The following CTPS1 variants were observed in gnomAD, a reference collection of about 807,000 sequenced individuals.
The protein encoded by CTPS1 is CTP synthetase 1.
A neutral mutation model predicts 80.5 loss-of-function variants in CTPS1; 25 were observed. The observed-to-expected ratio is 0.31, with a 90% confidence interval of 0.23 to 0.43. The LOEUF is 0.43. Among genes scored for constraint, CTPS1 ranks in the 20% least tolerant of loss-of-function variants. The probability of loss-of-function intolerance (pLI) is 1.00; values close to 1 mark genes in which losing one functional copy is unlikely to be tolerated. For missense variants in CTPS1, 442 were observed against 725.7 expected (o/e 0.61, Z 4.49); for synonymous variants, 267 against 252.5 (o/e 1.06, Z -0.54).
intron 9 of CTPS1, 88 bp downstream of exon 9, chr1:40,997,614 T>C: frequency 6.9e-7 from 1 of 1,445,314 alleles, no homozygotes; most frequent in Admixed American, 2.5e-5. Context: ...TGCTTTCTGT[T>C]TGGAGCTCAG....
rs541913776 is a variant in CTPS1, at chr1:41,000,975, C to T, written c.1006-54C>T. The T allele has an allele frequency of 1.0e-4, 121 of 1,209,398 alleles. 1 individual carries two copies. The South Asian group carries it at 1.6e-3, about 16-fold the overall frequency. The allele number at this position is 1,209,398 out of a possible 1,614,324, so 74.9% of individuals were successfully genotyped here. A position where few individuals can be genotyped will look rare whatever the true frequency, so the allele number is the denominator to read the frequency against. On this transcript the variant is annotated intron_variant, in intron 9 of 18. Coordinates refer to ENST00000650070, the MANE Select transcript of CTPS1 (RefSeq NM_001905.4). ...GATAATATTATTTAAAAATTAAGAA[C>T]GCACAGCCTGGGGTCACGAGCCTGC...
chr1:40,996,990 T>A (rs1172742931), intron 8 of CTPS1: 1 of 153,362 alleles, frequency 6.5e-6, no homozygotes, highest in Non-Finnish European at 1.5e-5. Flanking sequence ...TCTTTGTAAG[T>A]TTCAAAACAA....
At chr1:41,003,654 A>G (rs889770412) in intron 12 of CTPS1, among the ~76,000 whole-genome samples, 11 of 152,226 alleles carry the variant, frequency 7.2e-5, no homozygotes, top group Admixed American at 6.5e-5. Context: ...ACTTCACATG[A>G]TTAAGGGAGA....
At chr1:41,003,359 G>T (rs752969485) in intron 12 of CTPS1, among the ~76,000 whole-genome samples, 183 bp downstream of exon 12, 3 of 152,164 alleles carry the variant, frequency 2.0e-5, no homozygotes, top group Non-Finnish European at 4.4e-5. Context: ...CTCCATGCAG[G>T]AAGGAGGGAG....
intron 5 of CTPS1, among the ~76,000 whole-genome samples, chr1:40,989,467 T>G (rs1165466648): frequency 6.6e-6 from 1 of 152,180 alleles, no homozygotes; most frequent in Non-Finnish European, 1.5e-5. Context: ...TAAGATTGTC[T>G]TCTGGGGTAT....
chr1:41,007,146 G>C lies in CTPS1; in HGVS notation c.1297-303G>C, dbSNP rs1306962206. Among the ~76,000 whole-genome samples, 11 of 152,190 alleles carry C rather than the reference G, an allele frequency of 7.2e-5. No homozygotes were observed. Among genetic ancestry groups the C allele is most frequent in the Non-Finnish European group, 4.4e-5 (3 of 68,034 alleles). On this transcript the variant is annotated intron_variant, in intron 13 of 18. Transcript: ENST00000650070. The surrounding 1 kb of genome is among the most constrained non-coding windows in gnomAD (Gnocchi z 4.4). The stretch of plus-strand genomic sequence containing the variant: ...ACATCCAGTCCGTGTCTGTGCTACT[G>C]TATCAGTCTTTCTAAGGAAGTGATG...
intron 7 of CTPS1, among the ~76,000 whole-genome samples, chr1:40,993,619 G>A (rs748557924): frequency 3.9e-5 from 6 of 152,152 alleles, no homozygotes; most frequent in Non-Finnish European, 7.3e-5. Context: ...GATTACAGGC[G>A]TGAGCCGGCA....
chr1:41,009,450 C>A lies in CTPS1; in HGVS notation c.1552C>A (p.Pro518Thr). The A allele has an allele frequency of 2.5e-6, 4 of 1,569,360 alleles. No homozygotes were observed. Among genetic ancestry groups the A allele is most frequent in the Non-Finnish European group, 2.6e-6 (3 of 1,161,446 alleles). Reference sequence around the variant, plus strand: ...CTTTTGAATCTCTATTTCAGATCATCCCTTTTTTGTTGGGGTTCAGTACCA... The same window carrying A: ...CTTTTGAATCTCTATTTCAGATCATACCTTTTTTGTTGGGGTTCAGTACCA... ...RMEIVELEDH[P>T]FFVGVQYHPE... Residue 518 changes from proline to threonine, a missense_variant, in exon 17 of 19, where the codon CCC (proline) becomes ACC (threonine). Transcript: ENST00000650070.
rs180749163 is a variant in CTPS1, at chr1:41,012,124, C to G, written c.*476C>G. 6.6e-6 allele frequency: 1 copy of G among 152,150 alleles called. No homozygotes were observed. Among genetic ancestry groups the G allele is most frequent in the Non-Finnish European group, 1.5e-5 (1 of 68,030 alleles). 9.4% of individuals were successfully genotyped at this position (152,150 alleles called of 1,614,324 possible). ...ATTGCTTGCCACTAAGCCATGAAAC[C>G]AGAGACAAAATCTCTATACTGCCCT... On this transcript the variant is annotated 3_prime_UTR_variant, in exon 19 of 19. Coordinates refer to ENST00000650070, the MANE Select transcript of CTPS1 (RefSeq NM_001905.4).
intron 9 of CTPS1, among the ~76,000 whole-genome samples, chr1:40,998,450 G>A (rs1325508538): frequency 6.7e-6 from 1 of 149,738 alleles, no homozygotes; most frequent in African/African-American, 2.5e-5. Flanking sequence ...GGTGACCAGG[G>A]CTCAGATTCT....
chr1:40,998,563 C>T (rs1039760285), intron 9 of CTPS1, among the ~76,000 whole-genome samples: 7 of 152,084 alleles, frequency 4.6e-5, no homozygotes, highest in African/African-American at 1.7e-4. Flanking sequence ...TGCCTTCCTC[C>T]TAGGGTTGTT....
Position 41,007,749 on chromosome 1 carries a change from C to T in CTPS1, c.1393+204C>T, listed in dbSNP as rs1161325062. 1.3e-5 allele frequency among the ~76,000 whole-genome samples: 2 copies of T among 152,222 alleles called. No homozygotes were observed. Among genetic ancestry groups the T allele is most frequent in the Non-Finnish European group, 1.5e-5 (1 of 68,038 alleles). On this transcript the variant is annotated intron_variant, in intron 14 of 18. Transcript: ENST00000650070. The surrounding 1 kb of genome is among the most constrained non-coding windows in gnomAD (Gnocchi z 4.4). ...AGCAGTGTGGGTCTTAGAAAGGACA[C>T]TGGCAGTGCAGTCAGACTCCTAGGC...
At chr1:40,985,051 C>T (rs985324800) in intron 3 of CTPS1, 60 bp downstream of exon 3, 2 of 1,248,502 alleles carry the variant, frequency 1.6e-6, no homozygotes, top group Non-Finnish European at 2.2e-6. Flanking sequence ...TCTTCTCCCT[C>T]CCACCTCTAC....
intron 1 of CTPS1, among the ~76,000 whole-genome samples, chr1:40,982,259 C>G (rs1642329663): frequency 6.6e-6 from 1 of 152,176 alleles, no homozygotes; most frequent in Non-Finnish European, 1.5e-5. Flanking sequence ...TTTGAGTCCT[C>G]TGCCCGTCAT....
At chr1:40,990,681 C>T (rs754123913) in intron 5 of CTPS1, among the ~76,000 whole-genome samples, 6 of 151,506 alleles carry the variant, frequency 4.0e-5, no homozygotes, top group African/African-American at 7.3e-5. Context: ...CCATGTGTAA[C>T]GTGTATCTGT....
intron 7 of CTPS1, among the ~76,000 whole-genome samples, chr1:40,993,210 C>T (rs1018141043): frequency 4.0e-5 from 6 of 151,704 alleles, no homozygotes; most frequent in Non-Finnish European, 2.9e-5. Flanking sequence ...GCCACGATGC[C>T]GAGCTAATTT....
At chr1:40,982,382 A>G (rs1642334560) in intron 1 of CTPS1, among the ~76,000 whole-genome samples, 2 of 148,854 alleles carry the variant, frequency 1.3e-5, no homozygotes, top group Admixed American at 6.8e-5. Flanking sequence ...GTTAAATTAT[A>G]GAAGAGAACT....
intron 8 of CTPS1, 161 bp from the exon 9 acceptor site, chr1:40,997,233 A>T: frequency 1.3e-6 from 1 of 765,856 alleles, no homozygotes. Flanking sequence ...TGGGCTCAAG[A>T]TCCCCCCGCC....
chr1:41,006,265 A>G (rs1045223680), intron 13 of CTPS1, among the ~76,000 whole-genome samples, 171 bp downstream of exon 13: 3 of 152,170 alleles, frequency 2.0e-5, no homozygotes, highest in African/African-American at 7.2e-5. Context: ...CTTTTTCATT[A>G]TGTAATTCCT....
Sources: allele counts gnomAD v4.1 joint callset (sites outside exome capture counted in the v4.1 genomes callset), GRCh38; gene constraint gnomAD v4.1.1; non-coding constraint Gnocchi (gnomAD v3.1); transcripts MANE v1.5; gene names NCBI Gene and HGNC (gene_info 2026-07-23, HGNC 2026-07-21).